BAZ1A: variants seen among roughly 807,000 people sequenced by gnomAD.
The protein encoded by BAZ1A is bromodomain adjacent to zinc finger domain protein 1A.
In BAZ1A, 50 loss-of-function variants were observed where a neutral mutation model predicts 185.2. The ratio of observed to expected loss-of-function variants is 0.27; its 90% confidence interval spans 0.22 to 0.34. The LOEUF (loss-of-function observed/expected upper bound fraction) is 0.34, where lower values mean the gene tolerates loss of function less well. Ranked by LOEUF, BAZ1A falls within the 10% of genes least tolerant of loss-of-function variation. The probability of loss-of-function intolerance (pLI) is 1.00; values close to 1 mark genes in which losing one functional copy is unlikely to be tolerated. For missense variants in BAZ1A, 1,356 were observed against 1,839.9 expected (o/e 0.74, Z 4.81); for synonymous variants, 571 against 615.6 (o/e 0.93, Z 1.07).
rs192578309 is a variant in BAZ1A at position 34,859,280 on chromosome 14, A to G, written c.392+2764T>C. On this transcript the variant is annotated intron_variant, in intron 3 of 26. Coordinates refer to ENST00000360310, the MANE Select transcript of BAZ1A (RefSeq NM_013448.3). ...TCTATACTAAAAGTTAAAAAAATAAATAAATCAGCCAGGTGTGGTGGCACA... is the reference window on the plus strand; with the variant it reads ...TCTATACTAAAAGTTAAAAAAATAAGTAAATCAGCCAGGTGTGGTGGCACA... Among the ~76,000 whole-genome samples, 171 of 152,174 alleles carry G rather than the reference A, an allele frequency of 1.1e-3. 2 individuals are homozygous for G. Among genetic ancestry groups the G allele is most frequent in the African/African-American group, 4.0e-3 (168 of 41,542 alleles).
Position 34,802,870 on chromosome 14 carries a change from C to A in BAZ1A, c.845G>T (p.Arg282Leu). The change falls in exon 7 of 27, where the codon CGA becomes CTA. Residue 282 changes from arginine to leucine, a missense_variant. Physicochemically the swap from Arg to Leu is moderately radical, Grantham distance 102 (BLOSUM62 -2). Around this residue, in one of 7 missense-constraint regions of BAZ1A, gnomAD observed 332 missense variants for 395.3 expected, o/e 0.84. Coordinates refer to ENST00000360310, the MANE Select transcript of BAZ1A (RefSeq NM_013448.3). Reference protein sequence around the residue: ...ANRRRGRPPKRIHISQEDNVA... With the variant: ...ANRRRGRPPKLIHISQEDNVA... ...TGTACTTACTTGACTAATATGTATT[C>A]GTTTGGGAGGTCTCCCTCTTCGTCT... The A allele has an allele frequency of 6.2e-7, 1 of 1,613,228 alleles. No homozygotes were observed. Among genetic ancestry groups the A allele is most frequent in the Admixed American group, 1.7e-5 (1 of 59,952 alleles).
intron 3 of BAZ1A, among the ~76,000 whole-genome samples, chr14:34,827,324 C>A (rs953189767): frequency 3.3e-5 from 5 of 152,164 alleles, no homozygotes; most frequent in African/African-American, 1.2e-4. Context: ...TCCTCTATTT[C>A]TTAACTTCTG....
rs146933751 is a variant in BAZ1A at position 34,794,088 on chromosome 14, C to T, written c.1363+661G>A. Among the ~76,000 whole-genome samples, 106 of 151,936 alleles carry T rather than the reference C, an allele frequency of 7.0e-4. 1 individual carries two copies. The highest frequency in any genetic ancestry group is 2.4e-3 in the African/African-American group (98 of 41,438). ...TGGAGCTTGCAGTGAGCCGAGATTG[C>T]GCCACTGCACTCTAGCCTAGGTGAC... On this transcript the variant is annotated intron_variant, in intron 11 of 26. Transcript: ENST00000360310.
intron 14 of BAZ1A, among the ~76,000 whole-genome samples, chr14:34,785,140 G>A (rs746342630): frequency 8.5e-5 from 13 of 152,188 alleles, no homozygotes; most frequent in Non-Finnish European, 1.9e-4. Flanking sequence ...ACAGGCATGA[G>A]CCACTGTTCC....
At chr14:34,838,675 C>T (rs1414050643) in intron 3 of BAZ1A, among the ~76,000 whole-genome samples, 6 of 152,028 alleles carry the variant, frequency 3.9e-5, no homozygotes, top group African/African-American at 1.5e-4. Flanking sequence ...CAGGCGTCCA[C>T]CTCCACGCCC....
Position 34,795,848 on chromosome 14 carries a change from T to C in BAZ1A, c.1129-83A>G. 3 of 1,014,566 alleles carry C rather than the reference T, an allele frequency of 3.0e-6. 1 individual carries two copies. The highest frequency in any genetic ancestry group is 1.5e-5 in the South Asian group (1 of 68,596). The allele number at this position is 1,014,566 out of a possible 1,614,324, so 62.8% of individuals were successfully genotyped here. A position where few individuals can be genotyped will look rare whatever the true frequency, so the allele number is the denominator to read the frequency against. ...GCATCTCCTGAGAACTTGTTAGAAA[T>C]GCAAATACTTGGACCTTACCCCATA... On this transcript the variant is annotated intron_variant, in intron 9 of 26. Transcript: ENST00000360310.
chr14:34,801,766 G>A (rs888493461), intron 7 of BAZ1A, among the ~76,000 whole-genome samples: 5 of 152,060 alleles, frequency 3.3e-5, no homozygotes, highest in Non-Finnish European at 7.4e-5. Context: ...AAAATTAGCT[G>A]GGCGTGGTGG....
intron 23 of BAZ1A, among the ~76,000 whole-genome samples, chr14:34,762,824 G>A (rs1287147248): frequency 6.6e-6 from 1 of 152,144 alleles, no homozygotes; most frequent in Non-Finnish European, 1.5e-5. Flanking sequence ...CCTAAATTCT[G>A]ATAAATTGTA....
At chr14:34,839,660 G>T (rs2042382774) in intron 3 of BAZ1A, among the ~76,000 whole-genome samples, 1 of 151,298 alleles carries the variant, frequency 6.6e-6, no homozygotes. Context: ...TGGCTAACAT[G>T]GAGAAACCCC....
At chr14:34,871,626 A>G (rs1007819934) in intron 2 of BAZ1A, among the ~76,000 whole-genome samples, 1 of 152,258 alleles carries the variant, frequency 6.6e-6, no homozygotes, top group Non-Finnish European at 1.5e-5. Context: ...TAATCCCAAC[A>G]CTTCGGGAGG....
chr14:34,800,553 A>G (rs1392975988), intron 8 of BAZ1A, among the ~76,000 whole-genome samples, 163 bp from the exon 9 acceptor site: 1 of 152,192 alleles, frequency 6.6e-6, no homozygotes, highest in Admixed American at 6.5e-5. Flanking sequence ...AAAACAGGAA[A>G]AGCAAATTGG....
intron 2 of BAZ1A, among the ~76,000 whole-genome samples, chr14:34,870,803 T>G (rs1233168272): frequency 1.3e-5 from 2 of 152,246 alleles, no homozygotes; most frequent in Non-Finnish European, 2.9e-5. Flanking sequence ...ACCGTAATCT[T>G]GGATTTACTC....
chr14:34,821,192 G>T (rs1488657657), intron 4 of BAZ1A, among the ~76,000 whole-genome samples: 2 of 152,282 alleles, frequency 1.3e-5, no homozygotes, highest in Admixed American at 6.5e-5. Flanking sequence ...TGACAACACT[G>T]CATATATCTT....
In BAZ1A at chr14:34,790,928, G is replaced by C. The variant is rs188026864; in HGVS notation, c.1510+1847C>G. 2.1e-3 allele frequency among the ~76,000 whole-genome samples: 314 copies of C among 152,154 alleles called. 2 individuals are homozygous for C. The highest frequency in any genetic ancestry group is 6.9e-3 in the African/African-American group (287 of 41,526). ...CCCTGAGGTCGGGAGTTCGAGACCA[G>C]CCTCACCAACATGGAGAAACCCTGT... On this transcript the variant is annotated intron_variant, in intron 12 of 26. Transcript: ENST00000360310.
At chr14:34,803,015 A>G in intron 6 of BAZ1A, 27 bp from the exon 7 acceptor site, 3 of 1,583,186 alleles carry the variant, frequency 1.9e-6, no homozygotes, top group African/African-American at 1.3e-5. Flanking sequence ...CATAGGGTAC[A>G]ATAATAACAC....
chr14:34,802,747 GTTTC>G, intron 7 of BAZ1A, 103 bp downstream of exon 7: 1 of 1,230,564 alleles, frequency 8.1e-7, no homozygotes. Context: ...GAGGTAATGA[GTTTC>G]TTCCTCTAGG....
At chr14:34,799,991 G>C (rs1256715079) in intron 9 of BAZ1A, among the ~76,000 whole-genome samples, 1 of 152,062 alleles carries the variant, frequency 6.6e-6, no homozygotes, top group Admixed American at 6.6e-5. Context: ...CCTAAATTTG[G>C]AAATCTAAAC....
At position 34,802,834 on chromosome 14, in the gene BAZ1A, T is replaced by G. The variant is rs1281257402; in HGVS notation, c.861+20A>C. 2 of 1,601,970 alleles carry G rather than the reference T, an allele frequency of 1.2e-6. No homozygotes were observed. The highest frequency in any genetic ancestry group is 8.5e-7 in the Non-Finnish European group (1 of 1,173,826). ...TTTTACTAACAGTGAAAATGTAGTT[T>G]TAATCAATTCTGTACTTACTTGACT... On this transcript the variant is annotated intron_variant, in intron 7 of 26. Transcript: ENST00000360310.
intron 3 of BAZ1A, among the ~76,000 whole-genome samples, chr14:34,848,930 C>T (rs960451073): frequency 2.6e-5 from 4 of 152,126 alleles, no homozygotes; most frequent in Non-Finnish European, 2.9e-5. Context: ...AAGCTTTATC[C>T]GTCCTCAGAA....
Sources: allele counts gnomAD v4.1 joint callset (sites outside exome capture counted in the v4.1 genomes callset), GRCh38; gene constraint gnomAD v4.1.1; regional missense constraint gnomAD v4.1.1; transcripts MANE v1.5; gene names NCBI Gene and HGNC (gene_info 2026-07-23, HGNC 2026-07-21).